DCAF1: variants seen among roughly 807,000 people sequenced by gnomAD.
DCAF1 encodes the protein DDB1 and CUL4 associated factor 1.
Under a neutral mutation model 128.0 loss-of-function variants are expected in DCAF1, and 15 were observed. The ratio of observed to expected loss-of-function variants is 0.12; its 90% CI spans 0.08 to 0.18. The LOEUF (loss-of-function observed/expected upper bound fraction) is 0.18, where lower values mean the gene tolerates loss of function less well. Ranked by LOEUF, DCAF1 falls within the 10% of genes least tolerant of loss-of-function variation. The probability of loss-of-function intolerance (pLI) is 1.00; values close to 1 mark genes in which losing one functional copy is unlikely to be tolerated. For missense variants in DCAF1, 988 were observed against 1,649.5 expected (o/e 0.60, Z 6.95); for synonymous variants, 610 against 603.0 (o/e 1.01, Z -0.17).
rs1396231967 is a variant in DCAF1 at position 51,413,031 on chromosome 3, A to G, written c.4072T>C (p.Cys1358Arg). The G allele has an allele frequency of 6.2e-7, 1 of 1,613,858 alleles. No homozygotes were observed. The highest frequency in any genetic ancestry group is 8.5e-7 in the Non-Finnish European group (1 of 1,179,886). ...IDVKRNIFDLCTDTKDCYLAV... is the reference protein window; with the variant it reads ...IDVKRNIFDLRTDTKDCYLAV... ...AGATAGCAGTCTTTGGTGTCTGTAC[A>G]CAGGTCAAAGATGTTCCGTTTCACA... Residue 1358 changes from cysteine to arginine, a missense_variant, in exon 22 of 25, where the codon TGT becomes CGT. Physicochemically the swap from Cys to Arg is radical, Grantham distance 180. Transcript: ENST00000684031.
At chr3:51,432,792 C>CAAA (rs1700506588) in intron 10 of DCAF1, among the ~76,000 whole-genome samples, 2 of 152,228 alleles carry the variant, frequency 1.3e-5, no homozygotes, top group Admixed American at 1.3e-4. Flanking sequence ...AATGTCATTG[C>CAAA]ACTAAGACAT....
intron 24 of DCAF1, among the ~76,000 whole-genome samples, chr3:51,400,230 C>T (rs947495426): frequency 1.8e-4 from 28 of 152,164 alleles, no homozygotes; most frequent in African/African-American, 6.8e-4. Context: ...CAAAGCAAGC[C>T]TCAGCTCCTC....
At chr3:51,502,956 G>A (rs1708854343), upstream of DCAF1, among the ~76,000 whole-genome samples, 2 of 152,186 alleles carry the variant, frequency 1.3e-5, no homozygotes, top group African/African-American at 4.8e-5. Context: ...TGCACACTGT[G>A]CATTAGGCAC....
chr3:51,488,047 T>C (rs1475677795), intron 2 of DCAF1, among the ~76,000 whole-genome samples: 1 of 151,686 alleles, frequency 6.6e-6, no homozygotes, highest in Non-Finnish European at 1.5e-5. Flanking sequence ...GTACTTTTAG[T>C]AGAGACGGGG....
intron 5 of DCAF1, among the ~76,000 whole-genome samples, chr3:51,465,887 C>A (rs1439806884): frequency 6.6e-6 from 1 of 151,924 alleles, no homozygotes; most frequent in Non-Finnish European, 1.5e-5. Flanking sequence ...GCTATTAACT[C>A]CATTTTATAG....
At chr3:51,463,903 G>A (rs549605294) in intron 5 of DCAF1, among the ~76,000 whole-genome samples, 63 of 152,250 alleles carry the variant, frequency 4.1e-4, no homozygotes, top group Middle Eastern at 3.4e-3. Context: ...CACTTAGGCT[G>A]GAGTGCAGTG....
intron 3 of DCAF1, among the ~76,000 whole-genome samples, chr3:51,481,801 G>A (rs879968109): frequency 4.6e-5 from 7 of 152,068 alleles, no homozygotes; most frequent in Non-Finnish European, 1.0e-4. Flanking sequence ...GAACAGCCTG[G>A]CCAACATGGC....
chr3:51,452,023 G>T (rs1702407338), intron 6 of DCAF1, among the ~76,000 whole-genome samples: 1 of 151,972 alleles, frequency 6.6e-6, no homozygotes. Flanking sequence ...CACAAAATTT[G>T]AAAAACACCA....
At chr3:51,443,926 G>A (rs1467810434) in intron 6 of DCAF1, 23 bp from the exon 7 acceptor site, 1 of 1,548,092 alleles carries the variant, frequency 6.5e-7, no homozygotes, top group Non-Finnish European at 8.7e-7. Flanking sequence ...AAATTAAATA[G>A]TACATTTCGG....
rs72945714 is a variant in DCAF1 at position 51,407,127 on chromosome 3, A to C, written c.4213-3732T>G. 8.4e-3 allele frequency among the ~76,000 whole-genome samples: 1,244 copies of C among 147,240 alleles called. 16 individuals are homozygous for C. Among genetic ancestry groups the C allele is most frequent in the African/African-American group, 0.029 (1,168 of 40,122 alleles). On this transcript the variant is annotated intron_variant, in intron 23 of 24. Transcript: ENST00000684031. ...GAATTGCTTGAACCTAGGAGGCGGA[A>C]GCCTGGGCGAGACAGAGTGAGACTC...
chr3:51,442,724 G>C (rs1428120543), intron 7 of DCAF1, among the ~76,000 whole-genome samples: 1 of 152,072 alleles, frequency 6.6e-6, no homozygotes, highest in East Asian at 1.9e-4. Context: ...AAAAGAGAGG[G>C]ATTTTGTGTG....
At chr3:51,416,579 G>A (rs1405627545) in intron 18 of DCAF1, among the ~76,000 whole-genome samples, 1 of 152,154 alleles carries the variant, frequency 6.6e-6, no homozygotes, top group African/African-American at 2.4e-5. Flanking sequence ...TGGTGCTAAT[G>A]ACATCTTTCT....
At chr3:51,447,138 G>A (rs543438188) in intron 6 of DCAF1, among the ~76,000 whole-genome samples, 9 of 151,972 alleles carry the variant, frequency 5.9e-5, no homozygotes, top group Non-Finnish European at 1.2e-4. Context: ...TGGGCATGGT[G>A]GCTCATGCCT....
downstream of DCAF1, chr3:51,396,118 C>CTT (rs1451088482): frequency 9.8e-6 from 4 of 407,688 alleles, no homozygotes; most frequent in East Asian, 3.6e-5. Context: ...AAGTCCAAAA[C>CTT]TTCTTCTCTG....
chr3:51,481,254 T>C (rs1486964660), intron 3 of DCAF1, among the ~76,000 whole-genome samples: 1 of 152,132 alleles, frequency 6.6e-6, no homozygotes, highest in Non-Finnish European at 1.5e-5. Flanking sequence ...GAGAAGAATG[T>C]AGGTATGAAT....
At chr3:51,457,287 T>C (rs963147335) in intron 6 of DCAF1, among the ~76,000 whole-genome samples, 1 of 152,148 alleles carries the variant, frequency 6.6e-6, no homozygotes, top group South Asian at 2.1e-4. Context: ...CAGTAGCCGA[T>C]GTGATCAACT....
In DCAF1 at chr3:51,416,780, T is replaced by C. The variant is rs1553630510; in HGVS notation, c.3603+7A>G. 2 of 1,607,060 alleles carry C rather than the reference T, an allele frequency of 1.2e-6. No homozygotes were observed. The highest frequency in any genetic ancestry group is 3.4e-5 in the Admixed American group (2 of 59,042). On this transcript the variant is annotated splice_region_variant and intron_variant, in intron 18 of 24. Coordinates refer to ENST00000684031, the MANE Select transcript of DCAF1 (RefSeq NM_001387579.1). ...CAGCTTGAAAACAGTGGTTCTTAAG[T>C]ACTTACGTGGGCAATGTCTCCTTTT...
At chr3:51,395,897 G>GTT (rs1186470769), downstream of DCAF1, 4 of 413,412 alleles carry the variant, frequency 9.7e-6, no homozygotes, top group African/African-American at 2.1e-5. Flanking sequence ...TTATTTGCCT[G>GTT]TTTTTGTTTT....
At position 51,483,628 on chromosome 3, in the gene DCAF1, T is replaced by TGTGTGTGC. The variant is rs1406294379; in HGVS notation, c.110+90_110+91insGCACACAC. 6.8e-5 allele frequency: 56 copies of TGTGTGTGC among 826,262 alleles called. No individual in the cohort carries two copies. In the Middle Eastern group the frequency reaches 8.6e-4, roughly 13 times the overall value. The allele number at this position is 826,262 out of a possible 1,614,324, so 51.2% of individuals were successfully genotyped here. On this transcript the variant is annotated intron_variant, in intron 3 of 24. Coordinates refer to ENST00000684031, the MANE Select transcript of DCAF1 (RefSeq NM_001387579.1). ...ACTAGTTTGTGTGTGTGTGTGTGTGTGTGTGTGTGTGTGTGTGTATGAAGA... is the reference window on the plus strand; with the variant it reads ...ACTAGTTTGTGTGTGTGTGTGTGTGTGTGTGTGCGTGTGTGTGTGTGTGTGTATGAAGA...
Sources: allele counts gnomAD v4.1 joint callset (sites outside exome capture counted in the v4.1 genomes callset), GRCh38; gene constraint gnomAD v4.1.1; transcripts MANE v1.5; gene names NCBI Gene and HGNC (gene_info 2026-07-23, HGNC 2026-07-21).